Variants in TLE4 observed in about 807,000 individuals in gnomAD.
The protein encoded by TLE4 is transducin-like enhancer protein 4.
A neutral mutation model predicts 92.8 loss-of-function variants in TLE4; 8 were observed. The ratio of observed to expected loss-of-function variants is 0.09; its 90% CI spans 0.05 to 0.16. The LOEUF (loss-of-function observed/expected upper bound fraction) is 0.16. TLE4 is among the 10% of genes least tolerant of loss of function. TLE4 has a pLI of 1.00. For missense variants in TLE4, 675 were observed against 997.6 expected (o/e 0.68, Z 4.36); for synonymous variants, 371 against 374.1 (o/e 0.99, Z 0.10).
At chr9:79,573,288 G>A in intron 1 of TLE4, 1 of 1,031,226 alleles carries the variant, frequency 9.7e-7, no homozygotes, top group East Asian at 1.0e-4. Context: ...CGAGAGGGTG[G>A]CGGCCGCCTC....
At chr9:79,604,814 A>AT (rs1259868173) in intron 4 of TLE4, among the ~76,000 whole-genome samples, 1 of 152,142 alleles carries the variant, frequency 6.6e-6, no homozygotes, top group Admixed American at 6.6e-5. Context: ...GTCTTTAGGT[A>AT]TTTCTCACAT....
chr9:79,640,659 A>G (rs548242137), intron 6 of TLE4, among the ~76,000 whole-genome samples: 3 of 152,134 alleles, frequency 2.0e-5, no homozygotes, highest in Non-Finnish European at 4.4e-5. Context: ...CTGTCTTCAA[A>G]GTAACACTCA....
At chr9:79,617,607 A>G (rs886657660) in intron 5 of TLE4, among the ~76,000 whole-genome samples, 3 of 152,312 alleles carry the variant, frequency 2.0e-5, no homozygotes, top group African/African-American at 7.2e-5. Flanking sequence ...GCAATGTAAT[A>G]AAAGCTGGAG....
At chr9:79,685,703 G>T (rs765055957) in intron 8 of TLE4, among the ~76,000 whole-genome samples, 3 of 152,152 alleles carry the variant, frequency 2.0e-5, no homozygotes, top group East Asian at 3.9e-4. Flanking sequence ...TGAACAGAAG[G>T]TCATATGTCT....
At chr9:79,641,881 GT>G (rs1564585276) in intron 6 of TLE4, among the ~76,000 whole-genome samples, 1 of 151,450 alleles carries the variant, frequency 6.6e-6, no homozygotes, top group East Asian at 1.9e-4. Context: ...CTGGTTTAGC[GT>G]TCTTCAAATT....
chr9:79,575,246 G>A (rs893138859), intron 3 of TLE4, among the ~76,000 whole-genome samples: 1 of 152,120 alleles, frequency 6.6e-6, no homozygotes, highest in East Asian at 1.9e-4. Context: ...AAATGTTTTT[G>A]TGTTAGTGGC....
intron 8 of TLE4, among the ~76,000 whole-genome samples, chr9:79,658,647 G>A (rs1394455490): frequency 2.6e-5 from 4 of 152,164 alleles, no homozygotes; most frequent in African/African-American, 4.8e-5. Context: ...GGTGTTAACC[G>A]GTGAATGTGG....
chr9:79,635,158 A>C lies in TLE4; in HGVS notation c.390+7710A>C, dbSNP rs112162532. On this transcript the variant is annotated intron_variant, in intron 6 of 19. Transcript: ENST00000376552. ...TGGAATTACAGGTTTTGGGGAGGTT[A>C]TTTTAGCCATCCTAATAGGTGCATA... Among the ~76,000 whole-genome samples the C allele has an allele frequency of 3.4e-3, 516 of 152,222 alleles. 5 individuals carry two copies. The highest frequency in any genetic ancestry group is 0.012 in the African/African-American group (478 of 41,554).
intron 6 of TLE4, among the ~76,000 whole-genome samples, chr9:79,635,971 T>C (rs558419478): frequency 4.6e-5 from 7 of 152,228 alleles, no homozygotes; most frequent in Non-Finnish European, 7.4e-5. Context: ...TCCTAACATT[T>C]CTCTCAAGGT....
At chr9:79,645,517 T>C (rs2057962305) in intron 6 of TLE4, among the ~76,000 whole-genome samples, 1 of 152,180 alleles carries the variant, frequency 6.6e-6, no homozygotes, top group Admixed American at 6.5e-5. Context: ...TACAAAGAAC[T>C]CCTCTTTTTG....
At chr9:79,681,090 GT>G (rs909215998) in intron 8 of TLE4, among the ~76,000 whole-genome samples, 16 of 152,084 alleles carry the variant, frequency 1.1e-4, no homozygotes, top group Admixed American at 8.5e-4. Flanking sequence ...AAAATTCTCT[GT>G]TTCGGTTGTG....
At chr9:79,682,039 G>C (rs1277081482) in intron 8 of TLE4, among the ~76,000 whole-genome samples, 1 of 152,012 alleles carries the variant, frequency 6.6e-6, no homozygotes, top group African/African-American at 2.4e-5. Context: ...GTGCCATAAA[G>C]AGGGCCACTC....
chr9:79,698,901 G>A (rs181573653), intron 8 of TLE4, among the ~76,000 whole-genome samples: 1 of 148,760 alleles, frequency 6.7e-6, no homozygotes, highest in Admixed American at 6.7e-5. Flanking sequence ...ATATCCTGGT[G>A]GTTTCCCTGT....
In TLE4 at chr9:79,596,962, C is replaced by T. The variant is rs551153379; in HGVS notation, c.253-15694C>T. Reference sequence around the variant, plus strand: ...GTGTTCTTTTCAGAATGTTTTGTCACTTGATTCTGAATTCTTCCCATGCCT... The same window carrying T: ...GTGTTCTTTTCAGAATGTTTTGTCATTTGATTCTGAATTCTTCCCATGCCT... On this transcript the variant is annotated intron_variant, in intron 4 of 19. Transcript: ENST00000376552. Among the ~76,000 whole-genome samples the T allele has an allele frequency of 3.0e-4, 45 of 152,318 alleles. 2 individuals carry two copies. In the South Asian group the frequency reaches 8.7e-3, roughly 29 times the overall value.
chr9:79,612,726 A>G lies in TLE4; in HGVS notation c.315+8A>G. 1 of 1,612,614 alleles carries G rather than the reference A, an allele frequency of 6.2e-7. No homozygotes were observed. Among genetic ancestry groups the G allele is most frequent in the Non-Finnish European group, 8.5e-7 (1 of 1,178,982 alleles). The stretch of plus-strand genomic sequence containing the variant: ...CCTTTCCTGTCCCAAGAGGTAAGGT[A>G]GTTGATTTTAGGCACTGGACTAGAA... On this transcript the variant is annotated splice_region_variant and intron_variant, in intron 5 of 19. Transcript: ENST00000376552.
chr9:79,662,301 A>C (rs1490778096), intron 8 of TLE4, among the ~76,000 whole-genome samples: 1 of 152,292 alleles, frequency 6.6e-6, no homozygotes, highest in East Asian at 1.9e-4. Context: ...TGCTGACTTC[A>C]AATTTGAGAA....
chr9:79,718,475 T>A (rs1307455685), intron 14 of TLE4, among the ~76,000 whole-genome samples: 1 of 152,176 alleles, frequency 6.6e-6, no homozygotes, highest in Non-Finnish European at 1.5e-5. Flanking sequence ...CTGTTCTAGT[T>A]TAGAGATTCT....
At chr9:79,663,994 G>A (rs1564744149) in intron 8 of TLE4, among the ~76,000 whole-genome samples, 1 of 152,134 alleles carries the variant, frequency 6.6e-6, no homozygotes, top group African/African-American at 2.4e-5. Flanking sequence ...CCCTAGCAAC[G>A]GGCCACGGGG....
chr9:79,588,440 C>T (rs1466606229), intron 4 of TLE4, among the ~76,000 whole-genome samples: 4 of 152,146 alleles, frequency 2.6e-5, no homozygotes, highest in African/African-American at 7.2e-5. Context: ...TGAGCCACCG[C>T]GCCCGGCCTA....
Sources: allele counts gnomAD v4.1 joint callset (sites outside exome capture counted in the v4.1 genomes callset), GRCh38; gene constraint gnomAD v4.1.1; transcripts MANE v1.5; gene names NCBI Gene and HGNC (gene_info 2026-07-23, HGNC 2026-07-21).